CGNL1: variants seen among roughly 807,000 people sequenced by gnomAD.
CGNL1 encodes cingulin-like protein 1.
In CGNL1, 132 loss-of-function variants were observed where a neutral mutation model predicts 141.2. That is an observed-to-expected ratio of 0.93 (90% CI 0.81 to 1.08). CGNL1 has a LOEUF of 1.08. CGNL1 is among the 50% of genes least tolerant of loss of function. CGNL1 has a pLI of 0.00. For missense variants in CGNL1, 1,870 were observed against 1,588.6 expected (o/e 1.18, Z -3.01); for synonymous variants, 690 against 622.1 (o/e 1.11, Z -1.63).
At chr15:57,424,255 T>G (rs980440654) in intron 1 of CGNL1, among the ~76,000 whole-genome samples, 1 of 152,168 alleles carries the variant, frequency 6.6e-6, no homozygotes, top group Non-Finnish European at 1.5e-5. Context: ...ACGGCTTAGA[T>G]CTCATCTTCT....
At position 57,471,574 on chromosome 15, in the gene CGNL1, C is replaced by T. The variant is rs534254884; in HGVS notation, c.2403+9682C>T. Reference sequence around the variant, plus strand: ...TAGTTGGGTAGAGAAGGAGGTAATGCGCTGGAAGCACAGCTGAGGAGCTTG... The same window carrying T: ...TAGTTGGGTAGAGAAGGAGGTAATGTGCTGGAAGCACAGCTGAGGAGCTTG... On this transcript the variant is annotated intron_variant, in intron 8 of 18. Coordinates refer to ENST00000281282, the MANE Select transcript of CGNL1 (RefSeq NM_032866.5). 6.6e-4 allele frequency among the ~76,000 whole-genome samples: 101 copies of T among 152,306 alleles called. No individual in the cohort carries two copies. In the Middle Eastern group the frequency reaches 0.027, roughly 41 times the overall value.
intron 1 of CGNL1, among the ~76,000 whole-genome samples, chr15:57,409,952 C>G (rs1329736070): frequency 6.6e-6 from 1 of 151,934 alleles, no homozygotes. Flanking sequence ...GGATCTCGCC[C>G]TTTCTGAGCC....
chr15:57,543,592 C>T (rs2032683141), intron 14 of CGNL1, 104 bp from the exon 15 acceptor site: 1 of 1,004,764 alleles, frequency 1.0e-6, no homozygotes, highest in Admixed American at 2.0e-5. Context: ...GGGCAACCCC[C>T]TTCATAAAGT....
intron 1 of CGNL1, chr15:57,402,775 C>G (rs1174867748): frequency 6.6e-6 from 1 of 152,176 alleles, no homozygotes; most frequent in Non-Finnish European, 1.5e-5. Context: ...AAGGCTTCAG[C>G]TGCTCTGACC....
chr15:57,488,496 C>T lies in CGNL1; in HGVS notation c.2403+26604C>T, dbSNP rs182818272. On this transcript the variant is annotated intron_variant, in intron 8 of 18. Transcript: ENST00000281282. ...GTCATGAAGACCTTCTCTTCTTCTG[C>T]AGTCGAGTGAGAAGTGAGCAGAACT... is the stretch of plus-strand genomic sequence containing the variant. 1.7e-3 allele frequency among the ~76,000 whole-genome samples: 265 copies of T among 152,302 alleles called. 6 individuals are homozygous for T. Among genetic ancestry groups the T allele is most frequent in the Non-Finnish European group, 6.8e-4 (46 of 68,018 alleles).
intron 8 of CGNL1, among the ~76,000 whole-genome samples, chr15:57,470,841 T>G (rs1028117276): frequency 1.3e-5 from 2 of 152,218 alleles, no homozygotes; most frequent in Non-Finnish European, 2.9e-5. Context: ...AGAGGTTTAT[T>G]GCTTTAGGTG....
intron 8 of CGNL1, among the ~76,000 whole-genome samples, chr15:57,497,805 G>A (rs1274486938): frequency 3.9e-5 from 6 of 152,204 alleles, no homozygotes; most frequent in East Asian, 3.9e-4. Context: ...ACACACGGGC[G>A]GCGGCCTGTA....
At chr15:57,461,326 GCACA>G (rs1431217192) in intron 7 of CGNL1, among the ~76,000 whole-genome samples, 5 of 152,166 alleles carry the variant, frequency 3.3e-5, no homozygotes, top group African/African-American at 4.8e-5. Context: ...TGAAGCAACA[GCACA>G]CACAGGGCAA....
intron 4 of CGNL1, among the ~76,000 whole-genome samples, chr15:57,444,904 T>C (rs1421123129): frequency 6.6e-6 from 1 of 152,164 alleles, no homozygotes; most frequent in Admixed American, 6.6e-5. Context: ...ATTGTGTTTG[T>C]GAAAGTTTAT....
At chr15:57,501,859 CG>C in intron 8 of CGNL1, among the ~76,000 whole-genome samples, 1 of 152,168 alleles carries the variant, frequency 6.6e-6, no homozygotes, top group East Asian at 1.9e-4. Flanking sequence ...GATCCTGCAG[CG>C]GCACTCACAG....
chr15:57,491,881 C>T (rs2942042), intron 8 of CGNL1, among the ~76,000 whole-genome samples: 146,709 of 152,264 alleles, frequency 0.96, 70,871 homozygotes, highest in Non-Finnish European at 1. Context: ...TTCCTGCAAA[C>T]ATACCTGGCC....
chr15:57,392,325 A>C (rs2062552852), intron 1 of CGNL1, among the ~76,000 whole-genome samples: 1 of 152,152 alleles, frequency 6.6e-6, no homozygotes, highest in Admixed American at 6.5e-5. Flanking sequence ...GCTGTGTGTG[A>C]TCAGCCTAGA....
Position 57,518,504 on chromosome 15 carries a change from A to C in CGNL1, c.2715+7A>C, listed in dbSNP as rs1351699636. On this transcript the variant is annotated splice_region_variant and intron_variant, in intron 10 of 18. Transcript: ENST00000281282. ...TGAACTGGAGGCTGCTCAGGTAAAC[A>C]CCAAGGGCTGTTGTCATTACTCCCT... 6.3e-7 allele frequency: 1 copy of C among 1,588,256 alleles called. No homozygotes were observed. The highest frequency in any genetic ancestry group is 1.1e-5 in the South Asian group (1 of 88,746).
At chr15:57,520,119 G>A (rs2031147328) in intron 10 of CGNL1, among the ~76,000 whole-genome samples, 1 of 152,220 alleles carries the variant, frequency 6.6e-6, no homozygotes, top group Non-Finnish European at 1.5e-5. Context: ...GCAGTGTGTG[G>A]CCGTGTTAGC....
chr15:57,451,692 C>T (rs2063324028), intron 5 of CGNL1, 91 bp downstream of exon 5: 1 of 878,818 alleles, frequency 1.1e-6, no homozygotes, highest in African/African-American at 1.7e-5. Context: ...AGAGTGAAAG[C>T]CAATTTTTTT....
chr15:57,545,288 A>G (rs1219177288), intron 16 of CGNL1, among the ~76,000 whole-genome samples: 7 of 152,222 alleles, frequency 4.6e-5, no homozygotes, highest in African/African-American at 1.7e-4. Flanking sequence ...AGTAGACCCA[A>G]GACATCTGCA....
chr15:57,544,705 G>A, intron 16 of CGNL1, 108 bp downstream of exon 16: 1 of 1,308,870 alleles, frequency 7.6e-7, no homozygotes, highest in South Asian at 1.4e-5. Context: ...TAGCCTGTGA[G>A]GAAGGCAGAG....
chr15:57,481,804 G>C (rs761712750), intron 8 of CGNL1, among the ~76,000 whole-genome samples: 3 of 152,054 alleles, frequency 2.0e-5, no homozygotes, highest in Non-Finnish European at 2.9e-5. Flanking sequence ...AGGATGAATG[G>C]TAATTACATG....
intron 1 of CGNL1, among the ~76,000 whole-genome samples, chr15:57,435,048 G>C (rs1329446376): frequency 6.6e-6 from 1 of 152,062 alleles, no homozygotes; most frequent in Non-Finnish European, 1.5e-5. Context: ...TTGATCATTT[G>C]GAAATTAATA....
Sources: gnomAD v4.1 joint callset for allele counts (sites outside exome capture counted in the v4.1 genomes callset) on GRCh38, gnomAD v4.1.1 for gene constraint, MANE v1.5 for transcripts, NCBI Gene and HGNC (gene_info 2026-07-23, HGNC 2026-07-21) for gene names.